The following GOLGA6B variants were observed in gnomAD, a reference collection of about 807,000 sequenced individuals.
GOLGA6B encodes golgin subfamily A member 6B.
A neutral mutation model predicts 63.0 loss-of-function variants in GOLGA6B; 11 were observed. That is an observed-to-expected ratio of 0.17 (90% CI 0.11 to 0.29). The LOEUF is 0.29. Among genes scored for constraint, GOLGA6B ranks in the 10% least tolerant of loss-of-function variants. GOLGA6B has a pLI of 1.00. For missense variants in GOLGA6B, 134 were observed against 563.8 expected (o/e 0.24, Z 7.72); for synonymous variants, 46 against 232.6 (o/e 0.20, Z 7.30).
At position 72,669,569 on chromosome 15, in the gene GOLGA6B, G is replaced by T. The variant is rs1267525550; in HGVS notation, c.*3227G>T. Reference sequence around the variant, plus strand: ...TGTTGACTGCTACTGTGATGCTACTGTAATGTAATAAATTATTAAATGGTT... The same window carrying T: ...TGTTGACTGCTACTGTGATGCTACTTTAATGTAATAAATTATTAAATGGTT... On this transcript the variant is annotated 3_prime_UTR_variant, in exon 18 of 18. Transcript: ENST00000421285. 1.3e-5 allele frequency among the ~76,000 whole-genome samples: 2 copies of T among 152,204 alleles called. No homozygotes were observed. Among genetic ancestry groups the T allele is most frequent in the Non-Finnish European group, 2.9e-5 (2 of 68,044 alleles).
rs1231079279 is a variant in GOLGA6B at position 72,662,424 on chromosome 15, G to C, written c.1020G>C (p.Gln340His). 1 of 1,396,068 alleles carries C rather than the reference G, an allele frequency of 7.2e-7. No homozygotes were observed. The highest frequency in any genetic ancestry group is 9.7e-7 in the Non-Finnish European group (1 of 1,028,762). 86.5% of individuals were successfully genotyped at this position (1,396,068 alleles called of 1,614,324 possible). ...LLSKEQKQRL[Q>H]EQEEMLREQE... is the part of the protein sequence containing the mutation. ...GCAAGGAACAAAAGCAGAGACTCCA[G>C]GAGCAGGAGGAGATGCTCCGAGAGC... is the stretch of plus-strand genomic sequence containing the variant. Residue 340 changes from glutamine to histidine, a missense_variant, in exon 11 of 18, where the codon CAG becomes CAC. By Grantham distance (24) the Gln-to-His change is conservative. Coordinates refer to ENST00000421285, the MANE Select transcript of GOLGA6B (RefSeq NM_018652.5).
intron 12 of GOLGA6B, among the ~76,000 whole-genome samples, chr15:72,663,925 G>C (rs1299364492): frequency 7.7e-6 from 1 of 130,444 alleles, no homozygotes; most frequent in Non-Finnish European, 1.7e-5. Flanking sequence ...CAGTTTAAAT[G>C]GTGGGAAGAA....
rs752256933 is a variant in GOLGA6B, at chr15:72,662,273, C to G, written c.869C>G (p.Pro290Arg). The G allele has an allele frequency of 3.6e-6, 5 of 1,386,420 alleles. 1 individual carries two copies. The highest frequency in any genetic ancestry group is 2.6e-4 in the Middle Eastern group (1 of 3,856). The allele number at this position is 1,386,420 out of a possible 1,614,324, so 85.9% of individuals were successfully genotyped here. ...NQMAKPPSLA[P>R]PAVTSVVEQL... is the part of the protein sequence containing the mutation. The stretch of plus-strand genomic sequence containing the variant: ...TCAGCTAAGCCCCCATCCCTGGCGC[C>G]CCCAGCAGTGACCTCTGTGGTGGAA... The change falls in exon 11 of 18, where the codon CCC becomes CGC. Residue 290 changes from proline to arginine, a missense_variant. Physicochemically the swap from Pro to Arg is moderately radical, Grantham distance 103 (BLOSUM62 -2). Transcript: ENST00000421285.
chr15:72,664,490 C>G lies in GOLGA6B; in HGVS notation c.1480C>G (p.Leu494Val), dbSNP rs774132427. The change falls in exon 13 of 18, where the codon CTC (leucine) becomes GTC (valine). Residue 494 changes from leucine to valine, a missense_variant. Leu to Val is a conservative substitution (Grantham distance 32). Transcript: ENST00000421285. ...CCAACAGCTAGAGACCCAGCTAAGC[C>G]TCGTGGCTCTCCCGGGAGAAGGTAC... ...QNQQLETQLS[L>V]VALPGEGDGG... is the part of the protein sequence containing the mutation. The G allele has an allele frequency of 2.2e-6, 3 of 1,356,992 alleles. No homozygotes were observed. The highest frequency in any genetic ancestry group is 2.8e-5 in the South Asian group (2 of 70,914). 84.1% of individuals were successfully genotyped at this position (1,356,992 alleles called of 1,614,324 possible).
chr15:72,662,175 T>TG, intron 10 of GOLGA6B, 77 bp from the exon 11 acceptor site: 2 of 1,298,894 alleles, frequency 1.5e-6, no homozygotes, highest in South Asian at 1.7e-5. Context: ...AGGTTTTTTT[T>TG]TTTTTTTTTT....
Position 72,666,264 on chromosome 15 carries a change from G to A in GOLGA6B, c.2004G>A (p.Ala668=), listed in dbSNP as rs749137704. 29 of 1,601,708 alleles carry A rather than the reference G, an allele frequency of 1.8e-5. No individual in the cohort carries two copies. Among genetic ancestry groups the A allele is most frequent in the Middle Eastern group, 2.0e-4 (1 of 4,970 alleles). Residue 668 remains alanine, a synonymous_variant, in exon 18 of 18, where the codon GCG becomes GCA. Transcript: ENST00000421285. The part of the protein sequence containing the change: ...LDNNVEPAPG[A]AREGSPHDNP... ...ACAACGTGGAGCCTGCACCAGGAGC[G>A]GCCAGGGAGGGTTCTCCCCATGACA...
chr15:72,662,443 C>G lies in GOLGA6B; in HGVS notation c.1039C>G (p.Arg347Gly). 2.2e-6 allele frequency: 3 copies of G among 1,393,486 alleles called. 1 individual carries two copies. Among genetic ancestry groups the G allele is most frequent in the Non-Finnish European group, 2.9e-6 (3 of 1,027,022 alleles). 86.3% of individuals were successfully genotyped at this position (1,393,486 alleles called of 1,614,324 possible). Reference protein sequence around the residue: ...QRLQEQEEMLREQEVQRVREQ... With the variant: ...QRLQEQEEMLGEQEVQRVREQ... ...ACTCCAGGAGCAGGAGGAGATGCTC[C>G]GAGAGCAGGAGGTGCAGAGAGTGCG... The change falls in exon 11 of 18, where the codon CGA becomes GGA. Residue 347 changes from arginine to glycine, a missense_variant. Arg to Gly is a moderately radical substitution (Grantham distance 125). Transcript: ENST00000421285.
In GOLGA6B at chr15:72,669,010, T is replaced by G; in HGVS notation, c.*2668T>G. Among the ~76,000 whole-genome samples, 1 of 151,126 alleles carries G rather than the reference T, an allele frequency of 6.6e-6. No homozygotes were observed. Among genetic ancestry groups the G allele is most frequent in the South Asian group, 2.1e-4 (1 of 4,750 alleles). On this transcript the variant is annotated 3_prime_UTR_variant, in exon 18 of 18. Coordinates refer to ENST00000421285, the MANE Select transcript of GOLGA6B (RefSeq NM_018652.5). ...AGTTTAAGGCAGCTTTCAATTTGCT[T>G]AGAAGGCAACATTAGAAGGGTAGAG... is the stretch of plus-strand genomic sequence containing the variant.
chr15:72,663,934 A>C (rs1300616316), intron 12 of GOLGA6B, among the ~76,000 whole-genome samples: 2 of 130,462 alleles, frequency 1.5e-5, no homozygotes, highest in African/African-American at 5.3e-5. Flanking sequence ...TGGTGGGAAG[A>C]AGGACATGAG....
At chr15:72,663,724 GGT>G (rs1241858657) in intron 12 of GOLGA6B, among the ~76,000 whole-genome samples, 2 of 123,802 alleles carry the variant, frequency 1.6e-5, no homozygotes, top group Admixed American at 1.6e-4. Context: ...TTCTGGCCTG[GGT>G]TCCACTGGTC....
chr15:72,665,193 A>G (rs369181558), intron 14 of GOLGA6B, among the ~76,000 whole-genome samples, 158 bp downstream of exon 14: 10,695 of 112,340 alleles, frequency 0.095, 117 homozygotes, highest in African/African-American at 0.1. Context: ...CAACAGGTGC[A>G]CTCTCTGAGG....
chr15:72,660,701 C>T (rs1253857174), intron 7 of GOLGA6B, among the ~76,000 whole-genome samples: 3 of 107,360 alleles, frequency 2.8e-5, no homozygotes, highest in African/African-American at 3.9e-5. Context: ...GAGACACCTC[C>T]CTTCTGTACC....
Position 72,661,448 on chromosome 15 carries a change from AT to A in GOLGA6B, c.652-8del. The A allele has an allele frequency of 6.9e-7, 1 of 1,459,732 alleles. No homozygotes were observed. The highest frequency in any genetic ancestry group is 9.4e-7 in the Non-Finnish European group (1 of 1,058,826). The allele number at this position is 1,459,732 out of a possible 1,614,324, so 90.4% of individuals were successfully genotyped here. ...ACAGCCCTTCCTAACTTCTGTGCCC[AT>A]TTCTTGCAGGTGACAGAGTCACTAA... On this transcript the variant is annotated splice_polypyrimidine_tract_variant and intron_variant, in intron 8 of 17. Transcript: ENST00000421285.
intron 3 of GOLGA6B, among the ~76,000 whole-genome samples, chr15:72,658,865 C>G (rs2140467183): frequency 8.9e-5 from 1 of 11,276 alleles, no homozygotes; most frequent in Middle Eastern, 0.017. Context: ...CTGCTCCAGT[C>G]CTTGCCACAC....
chr15:72,657,318 A>G (rs1402848434), intron 2 of GOLGA6B, among the ~76,000 whole-genome samples: 19 of 131,636 alleles, frequency 1.4e-4, no homozygotes, highest in African/African-American at 5.2e-4. Context: ...GGGCCTGAGG[A>G]GAGGGGTCCA....
At position 72,669,465 on chromosome 15, in the gene GOLGA6B, A is replaced by C. The variant is rs1387344750; in HGVS notation, c.*3123A>C. Among the ~76,000 whole-genome samples, 1 of 150,748 alleles carries C rather than the reference A, an allele frequency of 6.6e-6. No individual in the cohort carries two copies. Among genetic ancestry groups the C allele is most frequent in the Non-Finnish European group, 1.5e-5 (1 of 67,534 alleles). On this transcript the variant is annotated 3_prime_UTR_variant, in exon 18 of 18. Coordinates refer to ENST00000421285, the MANE Select transcript of GOLGA6B (RefSeq NM_018652.5). Reference sequence around the variant, plus strand: ...GCTTTATTTGCCAAGTTTTCTTAGAATGACTTTTACCAGTTTATGAATTCT... The same window carrying C: ...GCTTTATTTGCCAAGTTTTCTTAGACTGACTTTTACCAGTTTATGAATTCT...
Position 72,662,301 on chromosome 15 carries a change from G to T in GOLGA6B, c.897G>T (p.Gln299His). ...CAGCAGTGACCTCTGTGGTGGAACA[G>T]CTACAAGATGAGGCCAAACACCTGA... The part of the protein sequence containing the change: ...APPAVTSVVE[Q>H]LQDEAKHLRQ... Residue 299 changes from glutamine (Q) to histidine (H), a missense_variant, in exon 11 of 18, where the codon CAG (glutamine) becomes CAT (histidine). Physicochemically the swap from Gln to His is conservative, Grantham distance 24. Transcript: ENST00000421285. The T allele has an allele frequency of 7.2e-7, 1 of 1,388,998 alleles. No homozygotes were observed. The allele number at this position is 1,388,998 out of a possible 1,614,324, so 86.0% of individuals were successfully genotyped here. A position where few individuals can be genotyped will look rare whatever the true frequency, so the allele number is the denominator to read the frequency against.
intron 12 of GOLGA6B, among the ~76,000 whole-genome samples, chr15:72,664,169 C>G (rs547345591): frequency 7.7e-6 from 1 of 130,518 alleles, no homozygotes; most frequent in Non-Finnish European, 1.7e-5. Flanking sequence ...GCAGCAGCAG[C>G]GAGACTAGTA....
Position 72,660,544 on chromosome 15 carries a change from G to A in GOLGA6B, c.564+315G>A, listed in dbSNP as rs555725598. Among the ~76,000 whole-genome samples, 162 of 82,162 alleles carry A rather than the reference G, an allele frequency of 2.0e-3. 7 individuals carry two copies. Among genetic ancestry groups the A allele is most frequent in the Non-Finnish European group, 3.1e-3 (125 of 39,736 alleles). 53.9% of individuals were successfully genotyped at this position (82,162 alleles called of 152,430 possible). On this transcript the variant is annotated intron_variant, in intron 7 of 17. Transcript: ENST00000421285. ...AGTTGTTCTGTGAAGGTACAGAAGA[G>A]CACCTTTAGTATGTTACCATTTCTG... is the stretch of plus-strand genomic sequence containing the variant.
Sources: gnomAD v4.1 joint callset for allele counts (sites outside exome capture counted in the v4.1 genomes callset) on GRCh38, gnomAD v4.1.1 for gene constraint, MANE v1.5 for transcripts, NCBI Gene and HGNC (gene_info 2026-07-23, HGNC 2026-07-21) for gene names.